The following NDUFS4 variants were observed in gnomAD, a reference collection of about 807,000 sequenced individuals.
NDUFS4 encodes the protein NADH:ubiquinone oxidoreductase subunit S4.
In NDUFS4, 28 loss-of-function variants were observed where a neutral mutation model predicts 24.3. That is an observed-to-expected ratio of 1.15 (90% confidence interval 0.85 to 1.58). NDUFS4 has a LOEUF of 1.58. Among genes scored for constraint, NDUFS4 ranks in the 40% most tolerant of loss-of-function variants. The pLI, the probability that NDUFS4 is intolerant of heterozygous loss-of-function variation, is 0.00. For synonymous variants in NDUFS4, 93 were observed against 69.7 expected (o/e 1.34, Z -1.67); for missense variants, 223 against 207.9 (o/e 1.07, Z -0.45).
intron 4 of NDUFS4, among the ~76,000 whole-genome samples, chr5:53,666,243 A>G (rs967542679): frequency 6.6e-6 from 1 of 152,182 alleles, no homozygotes. Context: ...AGTCTGTCAC[A>G]TGAGTTTAAT....
At chr5:53,677,536 G>A (rs1412440096) in intron 4 of NDUFS4, among the ~76,000 whole-genome samples, 1 of 151,804 alleles carries the variant, frequency 6.6e-6, no homozygotes. Context: ...CCCATATTAT[G>A]TACCTAATTG....
At chr5:53,669,393 A>G (rs1752605658) in intron 4 of NDUFS4, among the ~76,000 whole-genome samples, 1 of 152,066 alleles carries the variant, frequency 6.6e-6, no homozygotes, top group Non-Finnish European at 1.5e-5. Flanking sequence ...TCCTCCCTCT[A>G]CAACCTCGTT....
chr5:53,588,209 G>A (rs1749830224), intron 1 of NDUFS4, among the ~76,000 whole-genome samples: 2 of 152,122 alleles, frequency 1.3e-5, no homozygotes, highest in African/African-American at 2.4e-5. Flanking sequence ...AAAAAACAGT[G>A]TACGTACCCT....
intron 4 of NDUFS4, among the ~76,000 whole-genome samples, chr5:53,668,232 T>A (rs532103241): frequency 1.3e-5 from 2 of 152,334 alleles, no homozygotes; most frequent in South Asian, 4.1e-4. Context: ...CAATTTGTTA[T>A]CAATTGTATT....
At chr5:53,658,873 G>T (rs1752242514) in intron 4 of NDUFS4, 2 of 416,338 alleles carry the variant, frequency 4.8e-6, no homozygotes, top group Admixed American at 4.0e-5. Flanking sequence ...AACAGGGAAT[G>T]AAACTACTTA....
At chr5:53,624,809 ATTTC>A (rs140285056) in intron 2 of NDUFS4, among the ~76,000 whole-genome samples, 78 of 152,150 alleles carry the variant, frequency 5.1e-4, no homozygotes, top group Admixed American at 1.3e-3. Context: ...GATGGCTTTT[ATTTC>A]TTTTTCTTGT....
chr5:53,677,133 G>A (rs1326711128), intron 4 of NDUFS4, among the ~76,000 whole-genome samples: 1 of 152,152 alleles, frequency 6.6e-6, no homozygotes, highest in Non-Finnish European at 1.5e-5. Flanking sequence ...AAAAGCTGGA[G>A]TAATGGATTA....
At chr5:53,567,652 CTTTCTGAGT>C (rs1178150872) in intron 1 of NDUFS4, among the ~76,000 whole-genome samples, 1 of 151,878 alleles carries the variant, frequency 6.6e-6, no homozygotes, top group Admixed American at 6.6e-5. Context: ...GTCTGCTATG[CTTTCTGAGT>C]TCTCGTGTCT....
chr5:53,567,778 A>G (rs1032018974), intron 1 of NDUFS4, among the ~76,000 whole-genome samples: 2 of 152,172 alleles, frequency 1.3e-5, no homozygotes, highest in African/African-American at 2.4e-5. Context: ...AACTAAACCT[A>G]TTAGAATTTT....
At chr5:53,673,542 A>G (rs780860479) in intron 4 of NDUFS4, among the ~76,000 whole-genome samples, 1 of 152,190 alleles carries the variant, frequency 6.6e-6, no homozygotes, top group Non-Finnish European at 1.5e-5. Flanking sequence ...TATAGAAGGT[A>G]ATATGATGGT....
intron 2 of NDUFS4, among the ~76,000 whole-genome samples, chr5:53,603,948 A>G (rs1415445204): frequency 1.3e-5 from 2 of 152,176 alleles, no homozygotes; most frequent in East Asian, 1.9e-4. Flanking sequence ...GTATATATGT[A>G]TATGCATACA....
At chr5:53,573,072 C>T (rs999686633) in intron 1 of NDUFS4, among the ~76,000 whole-genome samples, 4 of 149,232 alleles carry the variant, frequency 2.7e-5, no homozygotes, top group South Asian at 4.3e-4. Flanking sequence ...CGGACTCTAG[C>T]GATTCTTTCC....
chr5:53,573,590 T>A (rs755083171), intron 1 of NDUFS4: 15 of 451,898 alleles, frequency 3.3e-5, no homozygotes, highest in Non-Finnish European at 6.2e-5. Flanking sequence ...TTTCTTTTCT[T>A]TATTTTTTAT....
intron 4 of NDUFS4, among the ~76,000 whole-genome samples, chr5:53,667,597 A>G (rs530326245): frequency 3.3e-5 from 5 of 152,266 alleles, no homozygotes; most frequent in African/African-American, 1.2e-4. Flanking sequence ...AGGACATGCA[A>G]ATGGATCCTC....
chr5:53,561,394 G>A (rs538863692), intron 1 of NDUFS4, among the ~76,000 whole-genome samples: 1 of 152,254 alleles, frequency 6.6e-6, no homozygotes, highest in South Asian at 2.1e-4. Flanking sequence ...ATTGAATTGA[G>A]TTGTTGAGGG....
chr5:53,646,363 C>T lies in NDUFS4; in HGVS notation c.308C>T (p.Thr103Ile). 1 of 1,613,744 alleles carries T rather than the reference C, an allele frequency of 6.2e-7. No individual in the cohort carries two copies. The highest frequency in any genetic ancestry group is 8.5e-7 in the Non-Finnish European group (1 of 1,179,778). ...NTKKWKMEFD[T>I]RERWENPLMG... is the part of the protein sequence containing the mutation. ...AAGAAATGGAAGATGGAGTTTGATA[C>T]CAGAGAGCGATGGGAAAATCCTTTG... Residue 103 changes from threonine (T) to isoleucine (I), a missense_variant, in exon 3 of 5, where the codon ACC (threonine) becomes ATC (isoleucine). Coordinates refer to ENST00000296684, the MANE Select transcript of NDUFS4 (RefSeq NM_002495.4).
chr5:53,592,212 A>T (rs557303160), intron 1 of NDUFS4, among the ~76,000 whole-genome samples: 31 of 152,260 alleles, frequency 2.0e-4, no homozygotes, highest in Admixed American at 9.8e-4. Context: ...TCGGCCTCCC[A>T]AAGTGCTGGG....
chr5:53,588,488 A>G (rs1749841574), intron 1 of NDUFS4, among the ~76,000 whole-genome samples: 1 of 152,210 alleles, frequency 6.6e-6, no homozygotes, highest in African/African-American at 2.4e-5. Context: ...TAATTTGTTC[A>G]AGATCATATT....
intron 3 of NDUFS4, among the ~76,000 whole-genome samples, chr5:53,647,090 C>T (rs1222427236): frequency 6.6e-6 from 1 of 150,838 alleles, no homozygotes; most frequent in Non-Finnish European, 1.5e-5. Context: ...ATATATATAT[C>T]TTTTTTCTTT....
Sources: allele counts gnomAD v4.1 joint callset (sites outside exome capture counted in the v4.1 genomes callset), GRCh38; gene constraint gnomAD v4.1.1; transcripts MANE v1.5; gene names NCBI Gene and HGNC (gene_info 2026-07-23, HGNC 2026-07-21).